The following SLC8A1 variants were observed in gnomAD, a reference collection of about 807,000 sequenced individuals.
The protein encoded by SLC8A1 is solute carrier family 8 member A1.
A neutral mutation model predicts 68.3 loss-of-function variants in SLC8A1; 18 were observed. The ratio of observed to expected loss-of-function variants is 0.26; its 90% CI spans 0.18 to 0.39. The LOEUF (loss-of-function observed/expected upper bound fraction) is 0.39, where lower values mean the gene tolerates loss of function less well. Ranked by LOEUF, SLC8A1 falls within the 10% of genes least tolerant of loss-of-function variation. The pLI, the probability that SLC8A1 is intolerant of heterozygous loss-of-function variation, is 1.00. For missense variants in SLC8A1, 985 were observed against 1,156.7 expected (o/e 0.85, Z 2.15); for synonymous variants, 475 against 415.5 (o/e 1.14, Z -1.74).
At chr2:40,418,160 A>G (rs546571439) in intron 2 of SLC8A1, among the ~76,000 whole-genome samples, 1 of 152,304 alleles carries the variant, frequency 6.6e-6, no homozygotes, top group South Asian at 2.1e-4. Context: ...CAACCGCAAG[A>G]TAGTTTAGCT....
intron 2 of SLC8A1, among the ~76,000 whole-genome samples, chr2:40,265,597 G>T (rs1191805331): frequency 6.6e-6 from 1 of 152,124 alleles, no homozygotes; most frequent in Non-Finnish European, 1.5e-5. Flanking sequence ...GATTACATAG[G>T]ATGGAGGGAG....
At chr2:40,464,301 A>G (rs1250077081) in intron 1 of SLC8A1, among the ~76,000 whole-genome samples, 1 of 152,240 alleles carries the variant, frequency 6.6e-6, no homozygotes, top group Non-Finnish European at 1.5e-5. Flanking sequence ...CAAAAACAGC[A>G]CTGGCTGAAT....
chr2:40,156,787 T>C (rs2044610558), intron 6 of SLC8A1, among the ~76,000 whole-genome samples: 3 of 152,218 alleles, frequency 2.0e-5, no homozygotes, highest in African/African-American at 7.2e-5. Context: ...TGTCTTTGTA[T>C]GTGTGTATGC....
chr2:40,462,480 T>A (rs537537194), intron 1 of SLC8A1, among the ~76,000 whole-genome samples: 2 of 152,132 alleles, frequency 1.3e-5, no homozygotes, highest in Non-Finnish European at 2.9e-5. Flanking sequence ...TTTTCTTTTT[T>A]TTTTTTCTTT....
chr2:40,458,204 T>C (rs1703136366), intron 1 of SLC8A1, among the ~76,000 whole-genome samples: 1 of 152,168 alleles, frequency 6.6e-6, no homozygotes, highest in South Asian at 2.1e-4. Flanking sequence ...ATTTCACTAT[T>C]AATAGAATAT....
At chr2:40,288,957 C>A (rs532720042) in intron 2 of SLC8A1, among the ~76,000 whole-genome samples, 33 of 150,874 alleles carry the variant, frequency 2.2e-4, no homozygotes, top group African/African-American at 8.0e-4. Flanking sequence ...AACTTGGCCT[C>A]CCAAAATGTC....
intron 2 of SLC8A1, among the ~76,000 whole-genome samples, chr2:40,309,856 A>T (rs2073364912): frequency 6.6e-6 from 1 of 152,138 alleles, no homozygotes; most frequent in African/African-American, 2.4e-5. Flanking sequence ...CAACATGTTT[A>T]AAGTGTATAA....
At chr2:40,253,353 G>A (rs1327106878) in intron 2 of SLC8A1, among the ~76,000 whole-genome samples, 2 of 150,258 alleles carry the variant, frequency 1.3e-5, no homozygotes, top group Non-Finnish European at 3.0e-5. Context: ...CACACACAAT[G>A]GAATATTGTC....
In SLC8A1 at chr2:40,139,623, C is replaced by T. The variant is rs771128762; in HGVS notation, c.2215G>A (p.Asp739Asn). Residue 739 changes from aspartate to asparagine, a missense_variant, in exon 7 of 8, where the codon GAT becomes AAT. Asp to Asn is a conservative substitution (Grantham distance 23). Coordinates refer to ENST00000406785, the Ensembl canonical transcript of SLC8A1. ...ACAGTCAGAAAGTGCATCACGTAAT[C>T]GAAACAGGAGGGCAGCTTCTCTTCC... 9 of 1,614,068 alleles carry T rather than the reference C, an allele frequency of 5.6e-6. No individual in the cohort carries two copies. In the East Asian group the frequency reaches 6.7e-5, roughly 12 times the overall value.
At chr2:40,209,036 G>A (rs1435652049) in intron 2 of SLC8A1, 1 of 151,608 alleles carries the variant, frequency 6.6e-6, no homozygotes, top group Non-Finnish European at 1.5e-5. Context: ...ACAGATCAGT[G>A]AAACAAAAGA....
Position 40,374,626 on chromosome 2 carries a change from T to G in SLC8A1, c.1808+53847A>C, listed in dbSNP as rs1679209309. Reference sequence around the variant, plus strand: ...AGTTATTACCCAAATCCAGCTTTGTTGGTGATAAAGTGAACCAAGGTGATG... The same window carrying G: ...AGTTATTACCCAAATCCAGCTTTGTGGGTGATAAAGTGAACCAAGGTGATG... On this transcript the variant is annotated intron_variant, in intron 2 of 7. Coordinates refer to ENST00000406785, the Ensembl canonical transcript of SLC8A1. Among the ~76,000 whole-genome samples the G allele has an allele frequency of 2.0e-5, 3 of 152,106 alleles. No homozygotes were observed. The South Asian group carries it at 6.2e-4, about 32-fold the overall frequency.
Position 40,481,105 on chromosome 2 carries a change from T to TTG in SLC8A1, c.-25+31242_-25+31243dup, listed in dbSNP as rs1704598879. Among the ~76,000 whole-genome samples, 5 of 152,220 alleles carry TTG rather than the reference T, an allele frequency of 3.3e-5. No individual in the cohort carries two copies. The South Asian group carries it at 1.0e-3, about 31-fold the overall frequency. On this transcript the variant is annotated intron_variant, in intron 1 of 7. Transcript: ENST00000402441. ...ATTTTACAAAAGAAAGCATATTTTC[T>TTG]TGTGTGTGTTTATGTGTAAGAGTGT... is the stretch of plus-strand genomic sequence containing the variant.
At chr2:40,288,526 C>T (rs779101271) in intron 2 of SLC8A1, among the ~76,000 whole-genome samples, 1 of 152,006 alleles carries the variant, frequency 6.6e-6, no homozygotes, top group Admixed American at 6.6e-5. Flanking sequence ...CTGAAACACC[C>T]AAGTTGAGGA....
At chr2:40,222,828 A>G (rs2058508823) in intron 2 of SLC8A1, among the ~76,000 whole-genome samples, 1 of 152,244 alleles carries the variant, frequency 6.6e-6, no homozygotes, top group Non-Finnish European at 1.5e-5. Context: ...ATACCATCTC[A>G]TGCCAGTTAG....
At position 40,183,477 on chromosome 2, in the gene SLC8A1, C is replaced by T. The variant is rs556069205; in HGVS notation, c.1809-5622G>A. ...GAGATAAAGGTTTAATTAAAAAGAG[C>T]GATGAGCATGCAATGGCTCACCAAC... On this transcript the variant is annotated intron_variant, in intron 2 of 7. Coordinates refer to ENST00000406785, the Ensembl canonical transcript of SLC8A1. Among the ~76,000 whole-genome samples, 14 of 152,288 alleles carry T rather than the reference C, an allele frequency of 9.2e-5. No individual in the cohort carries two copies. In the South Asian group the frequency reaches 2.1e-3, roughly 23 times the overall value.
intron 2 of SLC8A1, among the ~76,000 whole-genome samples, chr2:40,323,310 T>C (rs1013430943): frequency 9.9e-5 from 15 of 152,188 alleles, no homozygotes; most frequent in African/African-American, 2.9e-4. Context: ...TACAAATGGA[T>C]GTAACTTAAG....
At chr2:40,482,441 T>C (rs1006211268) in intron 1 of SLC8A1, among the ~76,000 whole-genome samples, 1 of 152,174 alleles carries the variant, frequency 6.6e-6, no homozygotes, top group African/African-American at 2.4e-5. Flanking sequence ...CATGTGAATG[T>C]ACTGCTAGGG....
chr2:40,361,888 T>A (rs13021267), intron 2 of SLC8A1, among the ~76,000 whole-genome samples: 2 of 26,084 alleles, frequency 7.7e-5, no homozygotes, highest in South Asian at 1.9e-3. Context: ...TTTTCTTTCC[T>A]TTTTTTTTTT....
Position 40,138,053 on chromosome 2 carries a change from A to G in SLC8A1, c.2437+1348T>C, listed in dbSNP as rs147307416. On this transcript the variant is annotated intron_variant, in intron 7 of 7. Transcript: ENST00000406785. Reference sequence around the variant, plus strand: ...AATACAATTTTATTAAATTTTTTCTATGTCCCAGGTGCTTTACTAGATGCA... The same window carrying G: ...AATACAATTTTATTAAATTTTTTCTGTGTCCCAGGTGCTTTACTAGATGCA... Among the ~76,000 whole-genome samples, 166 of 152,306 alleles carry G rather than the reference A, an allele frequency of 1.1e-3. 3 individuals carry two copies. In the East Asian group the frequency reaches 0.031, roughly 28 times the overall value.
Sources: gnomAD v4.1 joint callset for allele counts (sites outside exome capture counted in the v4.1 genomes callset) on GRCh38, gnomAD v4.1.1 for gene constraint, MANE v1.5 for transcripts, NCBI Gene and HGNC (gene_info 2026-07-23, HGNC 2026-07-21) for gene names.